The following CACNA2D3 variants were observed in gnomAD, a reference collection of about 807,000 sequenced individuals.
The protein encoded by CACNA2D3 is voltage-dependent calcium channel subunit alpha-2/delta-3.
Under a neutral mutation model 160.6 loss-of-function variants are expected in CACNA2D3, and 60 were observed. That is an observed-to-expected ratio of 0.37 (90% CI 0.30 to 0.46). The LOEUF (loss-of-function observed/expected upper bound fraction) is 0.46, where lower values mean the gene tolerates loss of function less well. Among genes scored for constraint, CACNA2D3 ranks in the 20% least tolerant of loss-of-function variants. The probability of loss-of-function intolerance (pLI) is 1.00; values close to 1 mark genes in which losing one functional copy is unlikely to be tolerated. For missense variants in CACNA2D3, 1,205 were observed against 1,365.0 expected, an observed-to-expected ratio of 0.88 and a Z score of 1.85; for synonymous variants, 558 against 492.9, an observed-to-expected ratio of 1.13 and a Z score of -1.75.
In CACNA2D3 at chr3:54,483,593, AT is replaced by A. The variant is rs750924963; in HGVS notation, c.382-19893del. Reference sequence around the variant, plus strand: ...GTATTATTTTTTATTTTGATGTTTAATTTTTTATCCTATTTATTTATTGTCA... The same window carrying A: ...GTATTATTTTTTATTTTGATGTTTAATTTTTATCCTATTTATTTATTGTCA... On this transcript the variant is annotated intron_variant, in intron 4 of 37. Coordinates refer to ENST00000474759, the MANE Select transcript of CACNA2D3 (RefSeq NM_018398.3). Among the ~76,000 whole-genome samples the A allele has an allele frequency of 1.5e-4, 23 of 152,220 alleles. No homozygotes were observed. In the East Asian group the frequency reaches 4.2e-3, roughly 28 times the overall value.
At chr3:54,617,169 C>T (rs1432202203) in intron 9 of CACNA2D3, among the ~76,000 whole-genome samples, 1 of 152,128 alleles carries the variant, frequency 6.6e-6, no homozygotes, top group Admixed American at 6.5e-5. Flanking sequence ...TGTGGAAGTG[C>T]ATGTGTTTTG....
chr3:54,242,659 C>T (rs866150575), intron 2 of CACNA2D3, among the ~76,000 whole-genome samples: 141 of 152,102 alleles, frequency 9.3e-4, no homozygotes, highest in African/African-American at 3.2e-3. Flanking sequence ...TGACTACGCC[C>T]GACAAAGAGA....
chr3:55,022,723 C>A, intron 35 of CACNA2D3, among the ~76,000 whole-genome samples: 1 of 124,396 alleles, frequency 8.0e-6, no homozygotes, highest in Admixed American at 8.4e-5. Flanking sequence ...TTTTTTTTTC[C>A]ATACTCTATG....
At chr3:54,623,773 G>C (rs1412783489) in intron 9 of CACNA2D3, among the ~76,000 whole-genome samples, 1 of 152,204 alleles carries the variant, frequency 6.6e-6, no homozygotes, top group Non-Finnish European at 1.5e-5. Flanking sequence ...TTGAAATGAG[G>C]TTAGCACTAC....
chr3:54,444,772 T>C (rs1428220828), intron 4 of CACNA2D3, among the ~76,000 whole-genome samples: 2 of 152,248 alleles, frequency 1.3e-5, no homozygotes, highest in African/African-American at 4.8e-5. Context: ...AACATGACTA[T>C]AGGAGCTTAT....
At chr3:54,703,572 G>A (rs1389075853) in intron 11 of CACNA2D3, among the ~76,000 whole-genome samples, 2 of 152,090 alleles carry the variant, frequency 1.3e-5, no homozygotes, top group Non-Finnish European at 2.9e-5. Flanking sequence ...TTCAATAACC[G>A]TTGACTATCC....
At chr3:54,871,399 C>T (rs1699531298) in intron 17 of CACNA2D3, 140 bp from the exon 18 acceptor site, 4 of 593,476 alleles carry the variant, frequency 6.7e-6, no homozygotes, top group East Asian at 2.9e-5. Flanking sequence ...CTAGGACTGT[C>T]ACCCTGCTGG....
chr3:54,375,298 T>C (rs1362833861), intron 3 of CACNA2D3, among the ~76,000 whole-genome samples: 1 of 152,216 alleles, frequency 6.6e-6, no homozygotes, highest in African/African-American at 2.4e-5. Context: ...CTGTGTCTTA[T>C]AAACCTTATA....
chr3:54,732,490 G>T (rs1055246959), intron 11 of CACNA2D3, among the ~76,000 whole-genome samples: 1 of 152,268 alleles, frequency 6.6e-6, no homozygotes, highest in East Asian at 1.9e-4. Context: ...AATGGGACTA[G>T]GTCATTGATA....
chr3:54,341,821 G>GT (rs527524092), intron 3 of CACNA2D3, among the ~76,000 whole-genome samples: 76 of 151,398 alleles, frequency 5.0e-4, no homozygotes, highest in South Asian at 3.4e-3. Context: ...CTAGAGTGCG[G>GT]TTTTTTTTTG....
intron 2 of CACNA2D3, among the ~76,000 whole-genome samples, chr3:54,302,388 A>G (rs1354978453): frequency 6.6e-6 from 1 of 152,216 alleles, no homozygotes; most frequent in Non-Finnish European, 1.5e-5. Context: ...GGGACTTACC[A>G]TCTTACCATT....
At chr3:54,622,544 G>C (rs1699011388) in intron 9 of CACNA2D3, among the ~76,000 whole-genome samples, 1 of 151,626 alleles carries the variant, frequency 6.6e-6, no homozygotes, top group African/African-American at 2.4e-5. Context: ...CAAAATGCTG[G>C]GATTACAGGC....
chr3:54,743,588 T>C (rs140951253), intron 11 of CACNA2D3, among the ~76,000 whole-genome samples: 1 of 152,370 alleles, frequency 6.6e-6, no homozygotes, highest in African/African-American at 2.4e-5. Flanking sequence ...CATCCCAATT[T>C]GTGGAACAAT....
In CACNA2D3 at chr3:54,464,775, C is replaced by T. The variant is rs1700583033; in HGVS notation, c.382-38717C>T. Among the ~76,000 whole-genome samples the T allele has an allele frequency of 2.6e-5, 4 of 152,220 alleles. No homozygotes were observed. In the South Asian group the frequency reaches 6.2e-4, roughly 24 times the overall value. ...GCTTCGGCTAGCGCACGGTGCGCTG[C>T]ACGCACTGTCCTGCGCCCACTGTCT... On this transcript the variant is annotated intron_variant, in intron 4 of 37. Coordinates refer to ENST00000474759, the MANE Select transcript of CACNA2D3 (RefSeq NM_018398.3).
At chr3:54,134,954 C>G (rs148314997) in intron 2 of CACNA2D3, among the ~76,000 whole-genome samples, 1 of 152,216 alleles carries the variant, frequency 6.6e-6, no homozygotes, top group Non-Finnish European at 1.5e-5. Flanking sequence ...ATGGGGCCCT[C>G]GCAGCCGCCA....
chr3:54,888,681 T>C (rs80072542), intron 24 of CACNA2D3, among the ~76,000 whole-genome samples: 3,488 of 152,186 alleles, frequency 0.023, 129 homozygotes, highest in African/African-American at 0.079. Context: ...ACTTTTCTGT[T>C]CTTCCTTAGT....
chr3:54,315,509 G>C (rs1703839398), intron 2 of CACNA2D3, among the ~76,000 whole-genome samples: 1 of 152,164 alleles, frequency 6.6e-6, no homozygotes, highest in African/African-American at 2.4e-5. Flanking sequence ...TCTGAAACAA[G>C]TTTGCAAATT....
intron 11 of CACNA2D3, among the ~76,000 whole-genome samples, chr3:54,676,052 A>G (rs977928251): frequency 5.3e-5 from 8 of 152,164 alleles, no homozygotes; most frequent in African/African-American, 9.7e-5. Flanking sequence ...TTTCAGTGCA[A>G]TCACGAGCTG....
chr3:54,908,046 G>C (rs1483714878), intron 27 of CACNA2D3, among the ~76,000 whole-genome samples: 1 of 152,122 alleles, frequency 6.6e-6, no homozygotes, highest in African/African-American at 2.4e-5. Context: ...GCAGACCTAT[G>C]TTTTTATAGT....
Sources: gnomAD v4.1 joint callset for allele counts (sites outside exome capture counted in the v4.1 genomes callset) on GRCh38, gnomAD v4.1.1 for gene constraint, MANE v1.5 for transcripts, NCBI Gene and HGNC (gene_info 2026-07-23, HGNC 2026-07-21) for gene names.